The following TSHZ3 variants were observed in gnomAD, a reference collection of about 807,000 sequenced individuals.
TSHZ3 encodes the protein teashirt homolog 3.
A neutral mutation model predicts 64.5 loss-of-function variants in TSHZ3; 10 were observed. The observed-to-expected ratio is 0.16, with a 90% CI of 0.10 to 0.26. The LOEUF (loss-of-function observed/expected upper bound fraction) is 0.26. Among genes scored for constraint, TSHZ3 ranks in the 10% least tolerant of loss-of-function variants. The probability of loss-of-function intolerance (pLI) is 1.00; values close to 1 mark genes in which losing one functional copy is unlikely to be tolerated. For missense variants in TSHZ3, 1,242 were observed against 1,421.7 expected, an observed-to-expected ratio of 0.87 and a Z score of 2.03; for synonymous variants, 608 against 593.1, an observed-to-expected ratio of 1.03 and a Z score of -0.36.
chr19:31,297,842 C>T (rs1976690630), intron 1 of TSHZ3, among the ~76,000 whole-genome samples: 1 of 152,124 alleles, frequency 6.6e-6, no homozygotes, highest in African/African-American at 2.4e-5. Flanking sequence ...TAGGTACAAC[C>T]CCCACCCATT....
chr19:31,340,511 A>T (rs1383427753), intron 1 of TSHZ3, among the ~76,000 whole-genome samples: 1 of 86,508 alleles, frequency 1.2e-5, no homozygotes. Flanking sequence ...AAGGGAGGGA[A>T]GGGGTGGGCG....
intron 1 of TSHZ3, among the ~76,000 whole-genome samples, chr19:31,343,967 A>C (rs1917509739): frequency 6.6e-6 from 1 of 152,206 alleles, no homozygotes; most frequent in Non-Finnish European, 1.5e-5. Context: ...AACCTAACAT[A>C]AAATTGTCAT....
At chr19:31,159,622 C>A (rs1335476401) in intron 5 of TSHZ3, among the ~76,000 whole-genome samples, 1 of 152,120 alleles carries the variant, frequency 6.6e-6, no homozygotes, top group African/African-American at 2.4e-5. Flanking sequence ...ATGTGCTTCA[C>A]CAACTATAAG....
intron 1 of TSHZ3, among the ~76,000 whole-genome samples, chr19:31,285,849 C>A (rs1314385579): frequency 2.8e-5 from 4 of 144,034 alleles, no homozygotes; most frequent in African/African-American, 1.0e-4. Context: ...AATGCATTAT[C>A]ATCCCTCTAT....
intron 5 of TSHZ3, among the ~76,000 whole-genome samples, chr19:31,158,935 T>C (rs1406473281): frequency 6.6e-6 from 1 of 152,172 alleles, no homozygotes; most frequent in Admixed American, 6.5e-5. Context: ...TAAATACAGA[T>C]GACACTTCAC....
intron 1 of TSHZ3, among the ~76,000 whole-genome samples, chr19:31,249,890 G>A (rs1352103753): frequency 5.3e-5 from 8 of 152,198 alleles, no homozygotes; most frequent in Admixed American, 3.9e-4. Context: ...AAGACACTCC[G>A]TGGTCAATAA....
chr19:31,214,910 A>G (rs1003199681), intron 4 of TSHZ3, among the ~76,000 whole-genome samples: 5 of 126,580 alleles, frequency 4.0e-5, no homozygotes, highest in South Asian at 2.4e-4. Flanking sequence ...TCTGTCTCAG[A>G]AAAAAAAAAA....
At chr19:31,242,410 G>C (rs1474920584) in exon 3 of TSHZ3, among the ~76,000 whole-genome samples, 3 of 152,168 alleles carry the variant, frequency 2.0e-5, no homozygotes, top group African/African-American at 4.8e-5. Context: ...GAGGCCAAAG[G>C]CCTGAAAACC....
intron 1 of TSHZ3, among the ~76,000 whole-genome samples, chr19:31,323,519 C>T (rs1916838698): frequency 6.6e-6 from 1 of 152,116 alleles, no homozygotes; most frequent in Non-Finnish European, 1.5e-5. Context: ...TTTTCTTTAT[C>T]TTTGTTGTGG....
At chr19:31,166,109 G>A (rs1335524367) in intron 5 of TSHZ3, among the ~76,000 whole-genome samples, 7 of 152,170 alleles carry the variant, frequency 4.6e-5, no homozygotes, top group African/African-American at 1.2e-4. Context: ...CCTGCACAGC[G>A]TTCAGCACTC....
At chr19:31,225,994 A>G (rs1975454930) in intron 4 of TSHZ3, among the ~76,000 whole-genome samples, 1 of 151,944 alleles carries the variant, frequency 6.6e-6, no homozygotes, top group Non-Finnish European at 1.5e-5. Context: ...GGGTGTGTTA[A>G]TGGGCACCTG....
chr19:31,177,817 G>A (rs1307258207), intron 5 of TSHZ3, among the ~76,000 whole-genome samples: 2 of 152,198 alleles, frequency 1.3e-5, no homozygotes, highest in Non-Finnish European at 2.9e-5. Context: ...CAAGGACAAG[G>A]TGCTATCATT....
intron 5 of TSHZ3, among the ~76,000 whole-genome samples, chr19:31,178,497 C>T (rs10406771): frequency 0.62 from 94,976 of 152,018 alleles, 30,134 homozygotes; most frequent in African/African-American, 0.75. Context: ...TTGGCCAACA[C>T]GTTGAAACTC....
At chr19:31,350,016 C>G (rs1010440332), upstream of TSHZ3, among the ~76,000 whole-genome samples, 10 of 148,152 alleles carry the variant, frequency 6.7e-5, no homozygotes, top group African/African-American at 2.5e-4. Flanking sequence ...CCAGCCCCGC[C>G]GAGCCCGTCC....
chr19:31,231,045 A>C (rs900628879), intron 3 of TSHZ3, among the ~76,000 whole-genome samples: 1 of 152,032 alleles, frequency 6.6e-6, no homozygotes, highest in South Asian at 2.1e-4. Context: ...GAAAAGTGAT[A>C]TGGACTAAAA....
chr19:31,163,884 A>G (rs1172764016), intron 5 of TSHZ3, among the ~76,000 whole-genome samples: 1 of 152,204 alleles, frequency 6.6e-6, no homozygotes, highest in Non-Finnish European at 1.5e-5. Context: ...ACCCTGCACC[A>G]GGCACCCTCC....
chr19:31,207,102 G>A (rs1409509247), intron 4 of TSHZ3, among the ~76,000 whole-genome samples: 3 of 152,158 alleles, frequency 2.0e-5, no homozygotes, highest in South Asian at 2.1e-4. Flanking sequence ...TGGAGCAGGC[G>A]AGAGACCATT....
chr19:31,327,079 T>TA (rs1012527007), intron 1 of TSHZ3, among the ~76,000 whole-genome samples: 56 of 147,218 alleles, frequency 3.8e-4, no homozygotes, highest in Middle Eastern at 3.5e-3. Context: ...TCTGTTTCAT[T>TA]AAAAAAAAAA....
rs372928548 is a variant in TSHZ3 at position 31,277,642 on chromosome 19, A to T, written c.2151T>A (p.Pro717=). ...GCAGGGCGCTCAAAGGGTTAACAAA[A>T]GGCTGTTCAGGCGGGTGGTCGGTGA... The part of the protein sequence containing the change: ...AIITDHPPEQ[P]FVNPLSALQS... Residue 717 remains proline (P), a synonymous_variant, in exon 2 of 2, where the codon CCT becomes CCA. Transcript: ENST00000240587. The surrounding 1 kb of genome is among the most constrained non-coding windows in gnomAD (Gnocchi z 4.5). 68 of 1,545,640 alleles carry T rather than the reference A, an allele frequency of 4.4e-5. No individual in the cohort carries two copies. The highest frequency in any genetic ancestry group is 5.2e-5 in the Non-Finnish European group (60 of 1,147,230).
Sources: gnomAD v4.1 joint callset for allele counts (sites outside exome capture counted in the v4.1 genomes callset) on GRCh38, gnomAD v4.1.1 for gene constraint, Gnocchi (gnomAD v3.1) non-coding constraint, MANE v1.5 for transcripts, NCBI Gene and HGNC (gene_info 2026-07-23, HGNC 2026-07-21) for gene names.